Variants in TENM3 observed in about 807,000 individuals in gnomAD.
TENM3 encodes the protein teneurin-3.
A neutral mutation model predicts 255.1 loss-of-function variants in TENM3; 63 were observed. The observed-to-expected ratio is 0.25, with a 90% CI of 0.20 to 0.30. The LOEUF (loss-of-function observed/expected upper bound fraction) is 0.30. TENM3 is among the 10% of genes least tolerant of loss of function. TENM3 has a pLI of 1.00. For synonymous variants in TENM3, 1,306 were observed against 1,322.3 expected, an observed-to-expected ratio of 0.99 and a Z score of 0.27; for missense variants, 2,929 against 3,461.1, an observed-to-expected ratio of 0.85 and a Z score of 3.86.
chr4:182,744,221 T>C, intron 19 of TENM3: 1 of 891,304 alleles, frequency 1.1e-6, no homozygotes. Flanking sequence ...TACATTTCAA[T>C]GTGACCCTCT....
intron 12 of TENM3, among the ~76,000 whole-genome samples, chr4:182,713,617 C>T (rs765917517): frequency 2.4e-4 from 36 of 152,166 alleles, no homozygotes; most frequent in Non-Finnish European, 4.4e-4. Flanking sequence ...TCCTCATACC[C>T]ACTTTCATGC....
At chr4:181,896,772 C>A in the TENM3 span, among the ~76,000 whole-genome samples, 1 of 152,182 alleles carries the variant, frequency 6.6e-6, no homozygotes, top group African/African-American at 2.4e-5. Flanking sequence ...CACCAGCTTA[C>A]CAGGCCCTCG....
At chr4:181,888,132 C>T in the TENM3 span, among the ~76,000 whole-genome samples, 3,581 of 151,996 alleles carry the variant, frequency 0.024, 48 homozygotes, top group South Asian at 0.027. Flanking sequence ...CAGGTTTAAG[C>T]GATTCTCATG....
the TENM3 span, among the ~76,000 whole-genome samples, chr4:181,946,832 G>A: frequency 6.6e-6 from 1 of 152,182 alleles, no homozygotes; most frequent in Admixed American, 6.5e-5. Context: ...GGATAATCAA[G>A]TCGGGAGAAA....
chr4:182,731,066 T>A lies in TENM3; in HGVS notation c.2894T>A (p.Ile965Asn). 6.2e-7 allele frequency: 1 copy of A among 1,613,870 alleles called. No individual in the cohort carries two copies. Among genetic ancestry groups the A allele is most frequent in the Non-Finnish European group, 8.5e-7 (1 of 1,179,784 alleles). ...DLSGFVRPNP[I>N]IVSSPLSTFF... The stretch of plus-strand genomic sequence containing the variant: ...AGTGGATTCGTGAGGCCAAATCCCA[T>A]CATTGTGTCATCACCTTTATCCACC... The change falls in exon 16 of 28, where the codon ATC becomes AAC. Residue 965 changes from isoleucine (I) to asparagine (N), a missense_variant. Ile to Asn is a moderately radical substitution (Grantham distance 149, BLOSUM62 -3). Coordinates refer to ENST00000511685, the MANE Select transcript of TENM3 (RefSeq NM_001080477.4).
intron 1 of TENM3, among the ~76,000 whole-genome samples, chr4:182,309,821 C>T (rs906134782): frequency 1.3e-5 from 2 of 152,148 alleles, no homozygotes; most frequent in East Asian, 1.9e-4. Context: ...CTAATGACAG[C>T]GGACATGATT....
the TENM3 span, among the ~76,000 whole-genome samples, chr4:181,901,977 C>T: frequency 6.6e-6 from 1 of 151,712 alleles, no homozygotes; most frequent in Non-Finnish European, 1.5e-5. Context: ...TAATATGTAA[C>T]AAAGAAGCAC....
intron 4 of TENM3, among the ~76,000 whole-genome samples, chr4:182,623,976 A>C (rs551739246): frequency 2.6e-5 from 4 of 152,184 alleles, no homozygotes; most frequent in African/African-American, 7.2e-5. Flanking sequence ...TGGATGCTTC[A>C]TGCGTTTATT....
At chr4:181,624,321 C>T in the TENM3 span, among the ~76,000 whole-genome samples, 4 of 152,228 alleles carry the variant, frequency 2.6e-5, no homozygotes, top group Non-Finnish European at 5.9e-5. Flanking sequence ...TGTCCAACCA[C>T]GCACTGGCTC....
chr4:182,730,114 A>G lies in TENM3; in HGVS notation c.2586-86A>G, dbSNP rs995751739. ...GGATTGCATAGCATAGTGTTATTTT[A>G]TCCTTAGGTTGAATTATCTATAAAT... On this transcript the variant is annotated intron_variant, in intron 14 of 27. Coordinates refer to ENST00000511685, the MANE Select transcript of TENM3 (RefSeq NM_001080477.4). 5.2e-6 allele frequency: 8 copies of G among 1,535,830 alleles called. No homozygotes were observed. The African/African-American group carries it at 6.8e-5, about 13-fold the overall frequency.
intron 3 of TENM3, among the ~76,000 whole-genome samples, chr4:182,379,599 CTT>C (rs1228583405): frequency 6.6e-6 from 1 of 152,128 alleles, no homozygotes; most frequent in Non-Finnish European, 1.5e-5. Context: ...AGGAGAATGA[CTT>C]GAACAGAGAT....
At chr4:181,500,344 A>G in the TENM3 span, among the ~76,000 whole-genome samples, 1 of 151,894 alleles carries the variant, frequency 6.6e-6, no homozygotes, top group Non-Finnish European at 1.5e-5. Flanking sequence ...GAAAAAAAAA[A>G]AAAATGTTGC....
the TENM3 span, among the ~76,000 whole-genome samples, chr4:181,601,554 G>A: frequency 2.4e-4 from 37 of 152,194 alleles, no homozygotes; most frequent in Middle Eastern, 3.4e-3. Context: ...TAAGGACATT[G>A]CAGTGGGAGT....
the TENM3 span, among the ~76,000 whole-genome samples, chr4:181,740,633 A>G: frequency 6.6e-6 from 1 of 152,160 alleles, no homozygotes; most frequent in South Asian, 2.1e-4. Flanking sequence ...ACTGCAATCA[A>G]TCTTGAAAAT....
chr4:182,772,641 C>T (rs945512974), intron 22 of TENM3: 11 of 151,440 alleles, frequency 7.3e-5, no homozygotes, highest in African/African-American at 2.7e-4. Flanking sequence ...AAATTCAATT[C>T]TTCAGTCAAA....
At chr4:181,962,760 A>C in the TENM3 span, among the ~76,000 whole-genome samples, 24 of 152,244 alleles carry the variant, frequency 1.6e-4, no homozygotes, top group Admixed American at 1.6e-3. Flanking sequence ...TTGAAGTAAG[A>C]GACACTTCAT....
intron 3 of TENM3, among the ~76,000 whole-genome samples, chr4:182,502,095 C>T (rs1176333316): frequency 2.6e-5 from 4 of 152,198 alleles, no homozygotes; most frequent in African/African-American, 9.7e-5. Flanking sequence ...CATTTGCTCT[C>T]AGAATTGTGA....
chr4:182,608,824 C>A (rs558112476), intron 4 of TENM3, among the ~76,000 whole-genome samples: 1 of 152,316 alleles, frequency 6.6e-6, no homozygotes, highest in East Asian at 1.9e-4. Context: ...GCCCCGGGTG[C>A]TCTGCGGACC....
the TENM3 span, among the ~76,000 whole-genome samples, chr4:182,017,088 T>C: frequency 6.6e-6 from 1 of 152,230 alleles, no homozygotes; most frequent in Non-Finnish European, 1.5e-5. Context: ...CTTTTGCTGA[T>C]TTTAGATACA....
Sources: gnomAD v4.1 joint callset for allele counts (sites outside exome capture counted in the v4.1 genomes callset) on GRCh38, gnomAD v4.1.1 for gene constraint, MANE v1.5 for transcripts, NCBI Gene and HGNC (gene_info 2026-07-23, HGNC 2026-07-21) for gene names.